Variants in WIPF1 observed in about 807,000 individuals in gnomAD.
WIPF1 encodes WAS/WASL interacting protein family member 1, also known as WAS/WASL-interacting protein family member 1.
A neutral mutation model predicts 35.4 loss-of-function variants in WIPF1; 13 were observed. That is an observed-to-expected ratio of 0.37 (90% CI 0.24 to 0.58). The LOEUF (loss-of-function observed/expected upper bound fraction) is 0.58, where lower values mean the gene tolerates loss of function less well. Ranked by LOEUF, WIPF1 falls within the 20% of genes least tolerant of loss-of-function variation. The pLI, the probability that WIPF1 is intolerant of heterozygous loss-of-function variation, is 0.74. For synonymous variants in WIPF1, 267 were observed against 266.3 expected (o/e 1.00, Z -0.02); for missense variants, 591 against 667.0 (o/e 0.89, Z 1.25).
chr2:174,595,289 T>TAAAA (rs1362971517), intron 1 of WIPF1, among the ~76,000 whole-genome samples: 1 of 64,132 alleles, frequency 1.6e-5, no homozygotes, highest in African/African-American at 8.5e-5. Flanking sequence ...AAACCCTGTC[T>TAAAA]CAAAAAAAAA....
chr2:174,627,501 CCCTTCCTTCCTT>C (rs779321946), intron 1 of WIPF1, among the ~76,000 whole-genome samples: 5 of 146,738 alleles, frequency 3.4e-5, no homozygotes, highest in African/African-American at 1.3e-4. Context: ...CTTCCTTCCT[CCCTTCCTTCCTT>C]CCTTCCCTCC....
At chr2:174,621,728 C>T (rs766403039) in intron 1 of WIPF1, among the ~76,000 whole-genome samples, 32 of 152,046 alleles carry the variant, frequency 2.1e-4, no homozygotes, top group Non-Finnish European at 4.0e-4. Flanking sequence ...AAATTACTAA[C>T]GAGATATTTT....
At chr2:174,634,560 TC>T (rs1687129627) in intron 1 of WIPF1, 2 of 152,236 alleles carry the variant, frequency 1.3e-5, no homozygotes, top group Admixed American at 1.3e-4. Context: ...CTTCTCGAGT[TC>T]CCCTGCTGTC....
chr2:174,645,250 T>C (rs1489706080), intron 1 of WIPF1, among the ~76,000 whole-genome samples: 1 of 152,200 alleles, frequency 6.6e-6, no homozygotes, highest in Admixed American at 6.5e-5. Context: ...AATGAGGAGA[T>C]TAAGGTTCCA....
At chr2:174,635,905 C>T (rs1163288229) in intron 1 of WIPF1, among the ~76,000 whole-genome samples, 1 of 152,018 alleles carries the variant, frequency 6.6e-6, no homozygotes, top group Admixed American at 6.6e-5. Context: ...ACAGTAAAAC[C>T]CTGAAGTCTC....
chr2:174,592,126 G>A (rs1191314393), intron 1 of WIPF1, among the ~76,000 whole-genome samples: 1 of 152,200 alleles, frequency 6.6e-6, no homozygotes, highest in Non-Finnish European at 1.5e-5. Context: ...AAGTGGGGTA[G>A]TTATTTAAAT....
chr2:174,615,258 C>T (rs1442873396), intron 1 of WIPF1, among the ~76,000 whole-genome samples: 1 of 151,916 alleles, frequency 6.6e-6, no homozygotes. Context: ...GGTGATTTGC[C>T]TCAAGGATAA....
chr2:174,606,844 T>C (rs1159565707), intron 1 of WIPF1, among the ~76,000 whole-genome samples: 2 of 152,182 alleles, frequency 1.3e-5, no homozygotes, highest in African/African-American at 4.8e-5. Flanking sequence ...TACATTGCCT[T>C]AGTCTGTTTT....
chr2:174,678,806 G>A (rs1688188234), intron 1 of WIPF1, among the ~76,000 whole-genome samples: 1 of 152,244 alleles, frequency 6.6e-6, no homozygotes, highest in Non-Finnish European at 1.5e-5. Context: ...ACTGCGGGCT[G>A]GCAGCCCCTC....
rs376053828 is a variant in WIPF1 at position 174,682,484 on chromosome 2, T to C, written c.-39+290A>G. On this transcript the variant is annotated intron_variant, in intron 1 of 8. Coordinates refer to the WIPF1 transcript ENST00000272746. ...GGGTCCGCGGAGTCCAGCGGTGAGC[T>C]CAGCCCGAGGCGCGGGACCCAGGCT... is the stretch of plus-strand genomic sequence containing the variant. Among the ~76,000 whole-genome samples the C allele has an allele frequency of 4.9e-3, 752 of 152,028 alleles. 4 individuals are homozygous for C. The highest frequency in any genetic ancestry group is 0.017 in the Middle Eastern group (5 of 294).
chr2:174,603,269 G>A (rs1431107144), intron 1 of WIPF1, among the ~76,000 whole-genome samples: 1 of 152,130 alleles, frequency 6.6e-6, no homozygotes, highest in East Asian at 1.9e-4. Flanking sequence ...TTTAATTTAT[G>A]CAAATAAATT....
At chr2:174,656,028 T>G (rs1001004580) in intron 1 of WIPF1, 2 of 152,288 alleles carry the variant, frequency 1.3e-5, no homozygotes, top group African/African-American at 4.8e-5. Context: ...CTGCCACTTG[T>G]GCTTTTGTGA....
At chr2:174,634,824 GAACCTGA>G (rs1432325423) in intron 1 of WIPF1, among the ~76,000 whole-genome samples, 1 of 152,188 alleles carries the variant, frequency 6.6e-6, no homozygotes, top group Admixed American at 6.5e-5. Flanking sequence ...GACTCCAAAG[GAACCTGA>G]AGGGGGAAGG....
At chr2:174,625,160 G>C (rs980608083) in intron 1 of WIPF1, among the ~76,000 whole-genome samples, 3 of 152,194 alleles carry the variant, frequency 2.0e-5, no homozygotes, top group Admixed American at 6.5e-5. Context: ...GTGCAACTGA[G>C]GGTTGAGTGG....
intron 1 of WIPF1, among the ~76,000 whole-genome samples, chr2:174,591,255 C>A (rs1415050735): frequency 6.6e-6 from 1 of 152,174 alleles, no homozygotes; most frequent in African/African-American, 2.4e-5. Flanking sequence ...AAACAAATTT[C>A]TGTTATTTGA....
At chr2:174,627,112 G>A (rs1204406714) in intron 1 of WIPF1, among the ~76,000 whole-genome samples, 3 of 152,134 alleles carry the variant, frequency 2.0e-5, no homozygotes, top group African/African-American at 7.2e-5. Context: ...CATGACAGCT[G>A]CCCTTACCAG....
At chr2:174,586,640 C>T (rs182833719) in intron 1 of WIPF1, among the ~76,000 whole-genome samples, 2 of 152,248 alleles carry the variant, frequency 1.3e-5, no homozygotes, top group Admixed American at 6.5e-5. Context: ...CCTGTTCCTT[C>T]GCCTCACTAG....
chr2:174,656,394 T>C (rs1687641700), intron 1 of WIPF1: 1 of 152,238 alleles, frequency 6.6e-6, no homozygotes, highest in Non-Finnish European at 1.5e-5. Context: ...ATAAGTTTCA[T>C]GCAAAGACAT....
intron 1 of WIPF1, among the ~76,000 whole-genome samples, chr2:174,678,896 A>G (rs1171019444): frequency 6.6e-6 from 1 of 152,238 alleles, no homozygotes; most frequent in African/African-American, 2.4e-5. Flanking sequence ...CACTTGGTAA[A>G]CTACAGACAG....
Sources: allele counts gnomAD v4.1 joint callset (sites outside exome capture counted in the v4.1 genomes callset), GRCh38; gene constraint gnomAD v4.1.1; transcripts MANE v1.5; gene names NCBI Gene and HGNC (gene_info 2026-07-23, HGNC 2026-07-21).